Variants in USP18 observed in about 807,000 individuals in gnomAD.
USP18 encodes ubiquitin specific peptidase 18.
In USP18, 11 loss-of-function variants were observed where a neutral mutation model predicts 48.7. That is an observed-to-expected ratio of 0.23 (90% CI 0.14 to 0.37). The LOEUF (loss-of-function observed/expected upper bound fraction) is 0.37, where lower values mean the gene tolerates loss of function less well. Among genes scored for constraint, USP18 ranks in the 10% least tolerant of loss-of-function variants. The pLI, the probability that USP18 is intolerant of heterozygous loss-of-function variation, is 1.00. For missense variants in USP18, 285 were observed against 436.4 expected, an observed-to-expected ratio of 0.65 and a Z score of 3.09; for synonymous variants, 114 against 163.2, an observed-to-expected ratio of 0.70 and a Z score of 2.30.
intron 2 of USP18, among the ~76,000 whole-genome samples, chr22:18,159,533 T>C (rs890061924): frequency 4.0e-5 from 6 of 151,600 alleles, no homozygotes; most frequent in Admixed American, 1.3e-4. Context: ...ATTCCACTCT[T>C]GTTGCCCAGG....
chr22:18,161,062 G>A (rs1185526107), intron 3 of USP18, among the ~76,000 whole-genome samples: 3 of 152,054 alleles, frequency 2.0e-5, no homozygotes, highest in African/African-American at 7.2e-5. Flanking sequence ...GAGCCACTGC[G>A]CCCGGCCAGG....
intron 1 of USP18, among the ~76,000 whole-genome samples, chr22:18,153,264 A>T (rs985183465): frequency 6.6e-6 from 1 of 152,146 alleles, no homozygotes; most frequent in African/African-American, 2.4e-5. Flanking sequence ...CCCCGTCTCT[A>T]CTAAAAATAC....
At chr22:18,172,726 G>A (rs1409944785) in intron 8 of USP18, among the ~76,000 whole-genome samples, 2 of 151,064 alleles carry the variant, frequency 1.3e-5, no homozygotes, top group Non-Finnish European at 2.9e-5. Context: ...TCCACTGTGG[G>A]TGACTCAGCT....
chr22:18,156,510 A>T (rs1238487877), intron 1 of USP18, among the ~76,000 whole-genome samples: 2 of 151,802 alleles, frequency 1.3e-5, no homozygotes, highest in African/African-American at 2.4e-5. Context: ...AGCCAGCAAG[A>T]CCACAAACCA....
chr22:18,160,794 G>A (rs1197432524), intron 3 of USP18, among the ~76,000 whole-genome samples: 13 of 120,986 alleles, frequency 1.1e-4, no homozygotes, highest in East Asian at 1.0e-3. Flanking sequence ...TTTTTGAGAT[G>A]AAGCCTCACT....
chr22:18,160,827 C>T (rs1386698743), intron 3 of USP18, among the ~76,000 whole-genome samples: 40 of 144,016 alleles, frequency 2.8e-4, no homozygotes, highest in Non-Finnish European at 2.7e-4. Context: ...TGGAGTGCGA[C>T]GGTGCAATCT....
intron 9 of USP18, among the ~76,000 whole-genome samples, chr22:18,173,557 G>A (rs1191366909): frequency 1.3e-5 from 2 of 152,174 alleles, no homozygotes; most frequent in Admixed American, 6.5e-5. Flanking sequence ...AGAGAGCAAC[G>A]AGTGTTAGAA....
chr22:18,167,714 A>G (rs1267007364), intron 5 of USP18, among the ~76,000 whole-genome samples, 176 bp from the exon 6 acceptor site: 3 of 150,286 alleles, frequency 2.0e-5, no homozygotes, highest in East Asian at 3.9e-4. Flanking sequence ...AAAAAAAAAA[A>G]AAAGAAAAAA....
At chr22:18,151,614 A>T (rs1358087379) in intron 1 of USP18, among the ~76,000 whole-genome samples, 15 of 152,042 alleles carry the variant, frequency 9.9e-5, no homozygotes. Flanking sequence ...CTTAACATAA[A>T]CATAGTTTCA....
chr22:18,171,488 C>A (rs902999289), intron 8 of USP18, among the ~76,000 whole-genome samples: 1 of 149,626 alleles, frequency 6.7e-6, no homozygotes, highest in Non-Finnish European at 1.5e-5. Context: ...AAAAAATTAG[C>A]TGGGTGTGGT....
Position 18,173,869 on chromosome 22 carries a change from G to A in USP18, c.1073+27G>A, listed in dbSNP as rs758711128. 1.9e-6 allele frequency: 3 copies of A among 1,574,318 alleles called. No homozygotes were observed. The Admixed American group carries it at 5.1e-5, about 27-fold the overall frequency. On this transcript the variant is annotated intron_variant, in intron 10 of 10. Coordinates refer to ENST00000215794, the MANE Select transcript of USP18 (RefSeq NM_017414.4). The stretch of plus-strand genomic sequence containing the variant: ...TAAGAAACAGATTTGGGTAATTGGA[G>A]TCTGATGAGCTCACATAGGGTCCTT...
chr22:18,155,505 G>A (rs1859404879), intron 1 of USP18, among the ~76,000 whole-genome samples: 1 of 152,228 alleles, frequency 6.6e-6, no homozygotes, highest in Admixed American at 6.5e-5. Flanking sequence ...GGCTCCCTTA[G>A]CTTGCGGGGA....
intron 4 of USP18, among the ~76,000 whole-genome samples, chr22:18,165,516 G>GTGTTTGC: frequency 9.9e-6 from 1 of 100,772 alleles, no homozygotes; most frequent in African/African-American, 4.0e-5. Flanking sequence ...CACCGCGGCC[G>GTGTTTGC]TGTTTCCTGT....
chr22:18,157,712 G>A lies in USP18; in HGVS notation c.49G>A (p.Ala17Thr). The change falls in exon 2 of 11, where the codon GCT becomes ACT. Residue 17 changes from alanine (A) to threonine (T), a missense_variant. Physicochemically the swap from Ala to Thr is moderately conservative, Grantham distance 58. Transcript: ENST00000215794. ...GAGGCAAATCTGTCAGTCCATCCTG[G>A]CTGAGTCCTCGCAGTCCCCGGCAGA... ...LLRQICQSIL[A>T]ESSQSPADLE... 1 of 1,614,064 alleles carries A rather than the reference G, an allele frequency of 6.2e-7. No homozygotes were observed. Among genetic ancestry groups the A allele is most frequent in the Non-Finnish European group, 8.5e-7 (1 of 1,180,012 alleles).
At chr22:18,155,878 C>G (rs147488873) in intron 1 of USP18, among the ~76,000 whole-genome samples, 6,190 of 152,322 alleles carry the variant, frequency 0.041, 166 homozygotes, top group African/African-American at 0.074. Context: ...TGCGGGCGCA[C>G]GGCGCGGGAC....
At chr22:18,173,688 T>C in intron 9 of USP18, 105 bp from the exon 10 acceptor site, 1 of 1,532,940 alleles carries the variant, frequency 6.5e-7, no homozygotes, top group South Asian at 1.2e-5. Context: ...TGGGAGTTGC[T>C]AGGGGTGGGC....
At chr22:18,160,792 A>ATTTT (rs1929310197) in intron 3 of USP18, among the ~76,000 whole-genome samples, 1 of 112,586 alleles carries the variant, frequency 8.9e-6, no homozygotes, top group African/African-American at 3.6e-5. Context: ...TTTTTTTGAG[A>ATTTT]TGAAGCCTCA....
chr22:18,151,884 A>G (rs1807538), intron 1 of USP18, among the ~76,000 whole-genome samples: 66,548 of 151,794 alleles, frequency 0.44, 16,124 homozygotes, highest in African/African-American at 0.65. Flanking sequence ...GTGCAAACCC[A>G]TCTACTAAAA....
chr22:18,153,664 T>C (rs945713965), intron 1 of USP18, among the ~76,000 whole-genome samples: 2 of 152,158 alleles, frequency 1.3e-5, no homozygotes, highest in African/African-American at 4.8e-5. Flanking sequence ...CCTAGACTGG[T>C]CTTGAACTCC....
Sources: gnomAD v4.1 joint callset for allele counts (sites outside exome capture counted in the v4.1 genomes callset) on GRCh38, gnomAD v4.1.1 for gene constraint, MANE v1.5 for transcripts, NCBI Gene and HGNC (gene_info 2026-07-23, HGNC 2026-07-21) for gene names.